NXN: variants seen among roughly 807,000 people sequenced by gnomAD.
NXN encodes the protein nucleoredoxin 1.
A neutral mutation model predicts 48.6 loss-of-function variants in NXN; 16 were observed. That is an observed-to-expected ratio of 0.33 (90% confidence interval 0.22 to 0.50). The LOEUF is 0.50. NXN is among the 20% of genes least tolerant of loss of function. The probability of loss-of-function intolerance (pLI) is 0.98; values close to 1 mark genes in which losing one functional copy is unlikely to be tolerated. For missense variants in NXN, 492 were observed against 605.5 expected, an observed-to-expected ratio of 0.81 and a Z score of 1.97; for synonymous variants, 281 against 269.6, an observed-to-expected ratio of 1.04 and a Z score of -0.41.
At chr17:868,160 G>A (rs559506419) in intron 1 of NXN, among the ~76,000 whole-genome samples, 1 of 152,216 alleles carries the variant, frequency 6.6e-6, no homozygotes, top group Admixed American at 6.5e-5. Flanking sequence ...TGCTTCCCTG[G>A]GAACCATTCC....
intron 1 of NXN, among the ~76,000 whole-genome samples, chr17:937,933 C>T (rs961539017): frequency 2.0e-5 from 3 of 152,218 alleles, no homozygotes; most frequent in South Asian, 2.1e-4. Context: ...AAAAACGCTG[C>T]GCCCAGCGGA....
chr17:850,305 C>T lies in NXN; in HGVS notation c.361-24227G>A, dbSNP rs1205466918. Among the ~76,000 whole-genome samples, 4 of 152,258 alleles carry T rather than the reference C, an allele frequency of 2.6e-5. No homozygotes were observed. The East Asian group carries it at 5.8e-4, about 22-fold the overall frequency. ...TCCTGCTCCCACGAGGTACGAGGTA[C>T]GCAGAGGAAGGAGCAAGATGATGCC... On this transcript the variant is annotated intron_variant, in intron 1 of 7. Transcript: ENST00000336868.
At chr17:841,043 C>T (rs1914144591) in intron 1 of NXN, among the ~76,000 whole-genome samples, 1 of 152,160 alleles carries the variant, frequency 6.6e-6, no homozygotes, top group African/African-American at 2.4e-5. Context: ...CCCGGCTCTG[C>T]CACTTTGGGT....
chr17:950,780 C>T (rs536046934), intron 1 of NXN, among the ~76,000 whole-genome samples: 1 of 152,030 alleles, frequency 6.6e-6, no homozygotes, highest in East Asian at 1.9e-4. Flanking sequence ...GTGGGACACG[C>T]AACACTGTTC....
chr17:921,145 C>T lies in NXN; in HGVS notation c.360+58174G>A, dbSNP rs74565663. On this transcript the variant is annotated intron_variant, in intron 1 of 7. Transcript: ENST00000336868. ...AGTTAGACGGGACGGCGTTCAGCCA[C>T]CCTCAGAGCAGCGGCTGGCACACAG... 2.9e-3 allele frequency among the ~76,000 whole-genome samples: 435 copies of T among 152,290 alleles called. 2 individuals carry two copies. The highest frequency in any genetic ancestry group is 0.014 in the Middle Eastern group (4 of 294).
At chr17:881,864 C>G (rs1567846841) in intron 1 of NXN, among the ~76,000 whole-genome samples, 1 of 152,190 alleles carries the variant, frequency 6.6e-6, no homozygotes, top group Non-Finnish European at 1.5e-5. Context: ...CAAAATAACA[C>G]TGACTGTACG....
chr17:809,403 C>T (rs961586917), intron 5 of NXN, among the ~76,000 whole-genome samples: 1 of 152,196 alleles, frequency 6.6e-6, no homozygotes, highest in African/African-American at 2.4e-5. Context: ...ATCTCAAAGC[C>T]AGGTGCGCCG....
At chr17:973,948 G>A (rs972943033) in intron 1 of NXN, among the ~76,000 whole-genome samples, 1 of 151,872 alleles carries the variant, frequency 6.6e-6, no homozygotes, top group Non-Finnish European at 1.5e-5. Flanking sequence ...CAAAGTGCTG[G>A]GATGACAGGC....
intron 1 of NXN, among the ~76,000 whole-genome samples, chr17:901,126 G>A (rs543744148): frequency 2.0e-5 from 3 of 152,098 alleles, no homozygotes; most frequent in Non-Finnish European, 4.4e-5. Context: ...TCACCATGTT[G>A]GCCAGGATGG....
intron 1 of NXN, among the ~76,000 whole-genome samples, chr17:921,496 G>A (rs2068750117): frequency 6.6e-6 from 1 of 152,078 alleles, no homozygotes; most frequent in Admixed American, 6.6e-5. Context: ...GCTTGTCCTT[G>A]GTCCCCTACG....
intron 1 of NXN, among the ~76,000 whole-genome samples, chr17:966,868 G>A (rs1426437025): frequency 2.6e-5 from 4 of 151,586 alleles, no homozygotes; most frequent in Non-Finnish European, 5.9e-5. Context: ...TGGGGGGGAA[G>A]GGTGAACCCA....
At chr17:903,399 T>G (rs2068554923) in intron 1 of NXN, among the ~76,000 whole-genome samples, 1 of 151,440 alleles carries the variant, frequency 6.6e-6, no homozygotes, top group South Asian at 2.1e-4. Context: ...CTTTTTTTTT[T>G]GAGACAGGGT....
At chr17:810,130 G>A (rs1232428978) in intron 5 of NXN, among the ~76,000 whole-genome samples, 2 of 134,354 alleles carry the variant, frequency 1.5e-5, no homozygotes, top group Admixed American at 7.6e-5. Context: ...TGTGAGTGGC[G>A]TGCACGTTAC....
At chr17:861,173 G>A (rs1040282808) in intron 1 of NXN, among the ~76,000 whole-genome samples, 1 of 152,032 alleles carries the variant, frequency 6.6e-6, no homozygotes, top group Non-Finnish European at 1.5e-5. Flanking sequence ...TCACTCTGTC[G>A]CCTGCGCTGG....
In NXN at chr17:810,155, C is replaced by T. The variant is rs180933209; in HGVS notation, c.821-4908G>A. Among the ~76,000 whole-genome samples, 128 of 70,012 alleles carry T rather than the reference C, an allele frequency of 1.8e-3. 1 individual carries two copies. The highest frequency in any genetic ancestry group is 0.01 in the Middle Eastern group (1 of 98). The allele number at this position is 70,012 out of a possible 152,430, so 45.9% of individuals were successfully genotyped here. ...GTGCACGTTACGAGTCTGTGACTGG[C>T]GTGCACGTTACGAGTCTGTGACTGG... On this transcript the variant is annotated intron_variant, in intron 5 of 7. Transcript: ENST00000336868.
chr17:935,596 C>T (rs969926802), intron 1 of NXN, among the ~76,000 whole-genome samples: 1 of 152,212 alleles, frequency 6.6e-6, no homozygotes, highest in Non-Finnish European at 1.5e-5. Flanking sequence ...TCATTCACTC[C>T]ACACGTGTTT....
In NXN at chr17:853,607, C is replaced by T. The variant is rs1049491017; in HGVS notation, c.361-27529G>A. 3.6e-4 allele frequency among the ~76,000 whole-genome samples: 54 copies of T among 151,528 alleles called. 1 individual carries two copies. Among genetic ancestry groups the T allele is most frequent in the African/African-American group, 1.3e-3 (52 of 41,112 alleles). On this transcript the variant is annotated intron_variant, in intron 1 of 7. Transcript: ENST00000336868. ...GCTCTTCGGGGGAGCCTTCTCTGCC[C>T]AGGACCTCCCTCCCAAGTTTAGACC...
intron 1 of NXN, among the ~76,000 whole-genome samples, chr17:944,119 A>G (rs1248507844): frequency 1.3e-5 from 2 of 150,836 alleles, no homozygotes; most frequent in African/African-American, 4.9e-5. Context: ...GGTGCCTGTA[A>G]TCCCAGCTAC....
intron 1 of NXN, among the ~76,000 whole-genome samples, chr17:877,435 C>T (rs567500765): frequency 4.9e-4 from 75 of 152,278 alleles, no homozygotes; most frequent in African/African-American, 1.5e-3. Flanking sequence ...CGTGAGCCAC[C>T]GCGCCCGGCC....
Sources: allele counts gnomAD v4.1 joint callset (sites outside exome capture counted in the v4.1 genomes callset), GRCh38; gene constraint gnomAD v4.1.1; transcripts MANE v1.5; gene names NCBI Gene and HGNC (gene_info 2026-07-23, HGNC 2026-07-21).